The following NFATC1 variants were observed in gnomAD, a reference collection of about 807,000 sequenced individuals.
NFATC1 encodes the protein nuclear factor of activated T-cells, cytoplasmic 1.
Under a neutral mutation model 76.0 loss-of-function variants are expected in NFATC1, and 22 were observed. The ratio of observed to expected loss-of-function variants is 0.29; its 90% CI spans 0.21 to 0.41. The LOEUF (loss-of-function observed/expected upper bound fraction) is 0.41, where lower values mean the gene tolerates loss of function less well. NFATC1 is among the 10% of genes least tolerant of loss of function. The pLI is 1.00. For missense variants in NFATC1, 1,357 were observed against 1,337.7 expected, an observed-to-expected ratio of 1.01 and a Z score of -0.23; for synonymous variants, 704 against 613.1, an observed-to-expected ratio of 1.15 and a Z score of -2.19.
chr18:79,411,549 G>T (rs760274443), intron 2 of NFATC1, 48 bp downstream of exon 2: 3 of 1,321,446 alleles, frequency 2.3e-6, no homozygotes, highest in Non-Finnish European at 1.9e-6. Context: ...GGAGGCGCGG[G>T]GCGGGGCGGA....
At chr18:79,404,442 C>G (rs1247831035) in intron 1 of NFATC1, among the ~76,000 whole-genome samples, 1 of 152,208 alleles carries the variant, frequency 6.6e-6, no homozygotes, top group Non-Finnish European at 1.5e-5. Context: ...CTGCTAAGCA[C>G]ATTGCTTCCA....
Position 79,451,722 on chromosome 18 carries a change from G to A in NFATC1, c.1809G>A (p.Thr603=), listed in dbSNP as rs143702653. 2,180 of 1,612,866 alleles carry A rather than the reference G, an allele frequency of 1.4e-3. 3 individuals carry two copies. The highest frequency in any genetic ancestry group is 1.7e-3 in the Non-Finnish European group (1,983 of 1,179,584). Residue 603 remains threonine, a synonymous_variant, in exon 6 of 10, where the codon ACG becomes ACA. Coordinates refer to ENST00000427363, the MANE Select transcript of NFATC1 (RefSeq NM_001278669.2). The part of the protein sequence containing the change: ...QELPLVEKQS[T]DSYPVVGGKK... ...TGCCTCTGGTGGAGAAGCAGAGCACGGACAGCTATCCGGTCGTGGGCGGGA... is the reference window on the plus strand; with the variant it reads ...TGCCTCTGGTGGAGAAGCAGAGCACAGACAGCTATCCGGTCGTGGGCGGGA...
At chr18:79,439,812 CGATGGGGACA>C (rs1313889278) in intron 3 of NFATC1, among the ~76,000 whole-genome samples, 1 of 152,146 alleles carries the variant, frequency 6.6e-6, no homozygotes, top group Non-Finnish European at 1.5e-5. Flanking sequence ...CTGTTTTGAG[CGATGGGGACA>C]GATGCTCGGT....
chr18:79,461,772 C>T (rs888695360), intron 7 of NFATC1, among the ~76,000 whole-genome samples: 4 of 152,144 alleles, frequency 2.6e-5, no homozygotes, highest in Non-Finnish European at 5.9e-5. Context: ...GCTGAGTTCC[C>T]GGGGGGTGGT....
chr18:79,483,183 A>C (rs1445753254), intron 8 of NFATC1, among the ~76,000 whole-genome samples: 5 of 75,546 alleles, frequency 6.6e-5, no homozygotes, highest in Admixed American at 4.4e-4. Context: ...CCTGGGGTGT[A>C]ATTCCAGCGT....
At chr18:79,503,093 G>A (rs1057051417) in intron 9 of NFATC1, among the ~76,000 whole-genome samples, 3 of 152,212 alleles carry the variant, frequency 2.0e-5, no homozygotes, top group African/African-American at 7.2e-5. Flanking sequence ...GAAGAGAGAG[G>A]AAAGGTGGGG....
intron 7 of NFATC1, among the ~76,000 whole-genome samples, chr18:79,466,124 G>A (rs1364105685): frequency 2.0e-5 from 3 of 152,222 alleles, no homozygotes; most frequent in African/African-American, 7.2e-5. Flanking sequence ...CTCTGCATGG[G>A]TGTCTGGGCC....
intron 2 of NFATC1, among the ~76,000 whole-genome samples, chr18:79,423,145 A>G (rs1357223586): frequency 1.3e-5 from 2 of 151,990 alleles, no homozygotes; most frequent in East Asian, 3.9e-4. Flanking sequence ...TCCAAAGAAC[A>G]GGGAAGGGTC....
intron 6 of NFATC1, among the ~76,000 whole-genome samples, chr18:79,455,899 T>G (rs1390519195): frequency 2.6e-5 from 4 of 152,276 alleles, no homozygotes; most frequent in African/African-American, 9.6e-5. Flanking sequence ...GTTTCCAGAT[T>G]TCTCCACACA....
chr18:79,510,842 CATCCTCTGCCGGGG>C, intron 9 of NFATC1, among the ~76,000 whole-genome samples: 1 of 149,420 alleles, frequency 6.7e-6, no homozygotes, highest in African/African-American at 2.5e-5. Flanking sequence ...TCTGCCGGGG[CATCCTCTGCCGGGG>C]CATCCTCTGC....
intron 1 of NFATC1, among the ~76,000 whole-genome samples, chr18:79,399,337 AAGGC>A (rs1421575479): frequency 6.6e-6 from 1 of 152,194 alleles, no homozygotes; most frequent in Non-Finnish European, 1.5e-5. Context: ...GCCTCTGGAA[AAGGC>A]AGTGCCCGCG....
intron 3 of NFATC1, among the ~76,000 whole-genome samples, chr18:79,442,157 C>A (rs1008511867): frequency 6.6e-6 from 1 of 152,142 alleles, no homozygotes; most frequent in African/African-American, 2.4e-5. Flanking sequence ...CGGGCCGAGG[C>A]GGTGGGGGAG....
chr18:79,478,551 G>A (rs929928222), intron 8 of NFATC1, among the ~76,000 whole-genome samples: 15 of 152,188 alleles, frequency 9.9e-5, no homozygotes, highest in African/African-American at 2.9e-4. Context: ...TCCTGTTACC[G>A]GGTAGGGATG....
At chr18:79,448,633 G>A in intron 3 of NFATC1, 149 bp from the exon 4 acceptor site, 1 of 735,444 alleles carries the variant, frequency 1.4e-6, no homozygotes, top group Non-Finnish European at 2.2e-6. Flanking sequence ...GATTTACAAA[G>A]ACACCAGTAT....
intron 9 of NFATC1, among the ~76,000 whole-genome samples, chr18:79,502,675 C>G (rs2090038919): frequency 6.6e-6 from 1 of 152,156 alleles, no homozygotes; most frequent in Non-Finnish European, 1.5e-5. Flanking sequence ...TTTGAATAGA[C>G]ATTTCTCCAG....
rs2088428255 is a variant in NFATC1 at position 79,465,421 on chromosome 18, C to T, written c.1960-2029C>T. Among the ~76,000 whole-genome samples, 1 of 152,132 alleles carries T rather than the reference C, an allele frequency of 6.6e-6. No homozygotes were observed. On this transcript the variant is annotated intron_variant, in intron 7 of 9. Coordinates refer to ENST00000427363, the MANE Select transcript of NFATC1 (RefSeq NM_001278669.2). This position sits in a 1 kb window ranked among gnomAD's most constrained non-coding sequence, Gnocchi z 4.2. ...AGCCTGCCTCACGGGGTCCCCGCCT[C>T]CACCCAGTCTGGCCCACAAGGTCCC...
intron 6 of NFATC1, among the ~76,000 whole-genome samples, chr18:79,454,645 G>A (rs116494093): frequency 0.013 from 2,026 of 152,358 alleles, 39 homozygotes; most frequent in African/African-American, 0.045. Context: ...AAGGCCGGGA[G>A]CGGAGTCAGC....
chr18:79,443,617 G>A (rs1445029116), intron 3 of NFATC1, among the ~76,000 whole-genome samples: 2 of 152,252 alleles, frequency 1.3e-5, no homozygotes, highest in Non-Finnish European at 2.9e-5. Flanking sequence ...GCCTCAGCAT[G>A]CAGCAAGCCC....
rs1461853148 is a variant in NFATC1, at chr18:79,410,690, G to A, written c.415G>A (p.Val139Met). The part of the protein sequence containing the change: ...YHNNNQFFHD[V>M]EVEDVLPSSK... Reference sequence around the variant, plus strand: ...CAACAATAACCAGTTTTTCCACGATGTGGAGGTGGAAGACGTCCTCCCTAG... The same window carrying A: ...CAACAATAACCAGTTTTTCCACGATATGGAGGTGGAAGACGTCCTCCCTAG... Residue 139 changes from valine to methionine, a missense_variant, in exon 2 of 10, where the codon GTG (valine) becomes ATG (methionine). Physicochemically the swap from Val to Met is conservative, Grantham distance 21. This residue lies in a region of NFATC1 where 691 missense variants were observed against 613.1 expected (regional missense o/e 1.13). Coordinates refer to ENST00000427363, the MANE Select transcript of NFATC1 (RefSeq NM_001278669.2). The surrounding 1 kb of genome is among the most constrained non-coding windows in gnomAD (Gnocchi z 6.7). 13 of 1,613,108 alleles carry A rather than the reference G, an allele frequency of 8.1e-6. No homozygotes were observed. Among genetic ancestry groups the A allele is most frequent in the South Asian group, 1.1e-5 (1 of 91,086 alleles).
Sources: gnomAD v4.1 joint callset for allele counts (sites outside exome capture counted in the v4.1 genomes callset) on GRCh38, gnomAD v4.1.1 for gene constraint, gnomAD v4.1.1 regional missense constraint, Gnocchi (gnomAD v3.1) non-coding constraint, MANE v1.5 for transcripts, NCBI Gene and HGNC (gene_info 2026-07-23, HGNC 2026-07-21) for gene names.